LAMA2: variants seen among roughly 807,000 people sequenced by gnomAD.
LAMA2 encodes laminin subunit alpha-2.
LAMA2 carries 269 observed loss-of-function variants against 364.8 expected under a neutral mutation model. The ratio of observed to expected loss-of-function variants is 0.74; its 90% CI spans 0.67 to 0.82. LAMA2 has a LOEUF of 0.82. Ranked by LOEUF, LAMA2 falls within the 40% of genes least tolerant of loss-of-function variation. The pLI, the probability that LAMA2 is intolerant of heterozygous loss-of-function variation, is 0.00. For missense variants in LAMA2, 3,807 were observed against 3,873.2 expected (o/e 0.98, Z 0.45); for synonymous variants, 1,379 against 1,370.6 (o/e 1.01, Z -0.14).
At chr6:129,158,147 C>A in intron 8 of LAMA2, 2 of 1,573,714 alleles carry the variant, frequency 1.3e-6, no homozygotes, top group Non-Finnish European at 8.6e-7. Context: ...TGGTGTCCAG[C>A]GTAGCACATT....
Position 128,970,979 on chromosome 6 carries a change from G to A in LAMA2, c.113-78939G>A, listed in dbSNP as rs551161320. ...CCATAGGGGAAGATAAGAAAAGGGG[G>A]CCAAGATATTCATTTCTACTGCTGG... is the stretch of plus-strand genomic sequence containing the variant. On this transcript the variant is annotated intron_variant, in intron 1 of 64. Coordinates refer to ENST00000421865, the MANE Select transcript of LAMA2 (RefSeq NM_000426.4). 2.6e-5 allele frequency among the ~76,000 whole-genome samples: 4 copies of A among 152,166 alleles called. No homozygotes were observed. The East Asian group carries it at 7.7e-4, about 29-fold the overall frequency.
intron 4 of LAMA2, among the ~76,000 whole-genome samples, chr6:129,125,068 G>C (rs990697948): frequency 6.6e-6 from 1 of 152,196 alleles, no homozygotes; most frequent in East Asian, 1.9e-4. Flanking sequence ...AGTATTTCCT[G>C]ACCAATTGGC....
chr6:129,189,755 A>G (rs546255563), intron 10 of LAMA2, among the ~76,000 whole-genome samples: 32 of 152,326 alleles, frequency 2.1e-4, no homozygotes, highest in African/African-American at 7.7e-4. Flanking sequence ...TGTAATATCA[A>G]TGTTCTATTA....
chr6:129,212,378 T>G (rs1783158032), intron 12 of LAMA2, among the ~76,000 whole-genome samples: 1 of 152,210 alleles, frequency 6.6e-6, no homozygotes, highest in Non-Finnish European at 1.5e-5. Context: ...GGTTCCTCCA[T>G]GCTAGGGGCA....
rs775183456 is a variant in LAMA2, at chr6:129,297,740, C to A, written c.2912C>A (p.Ser971Tyr). The A allele has an allele frequency of 2.5e-6, 4 of 1,614,004 alleles. No homozygotes were observed. In the South Asian group the frequency reaches 3.3e-5, roughly 13 times the overall value. The change falls in exon 21 of 65, where the codon TCT becomes TAT. Residue 971 changes from serine (S) to tyrosine (Y), a missense_variant. Ser to Tyr is a moderately radical substitution (Grantham distance 144). Coordinates refer to ENST00000421865, the MANE Select transcript of LAMA2 (RefSeq NM_000426.4). ...GGCTGTGTTCCCTGCAACTGCAATT[C>A]TTTTGGGTCTAAGTCATTCGACTGT... ...ARGCVPCNCN[S>Y]FGSKSFDCEE...
chr6:129,499,011 G>T (rs975815642), intron 58 of LAMA2, among the ~76,000 whole-genome samples: 2 of 152,076 alleles, frequency 1.3e-5, no homozygotes, highest in Non-Finnish European at 2.9e-5. Context: ...TGGGAGCATG[G>T]CTTCCTCCAT....
intron 40 of LAMA2, among the ~76,000 whole-genome samples, chr6:129,413,678 G>GA (rs1304327826): frequency 6.6e-6 from 1 of 151,908 alleles, no homozygotes; most frequent in Non-Finnish European, 1.5e-5. Context: ...CATGGCTTGA[G>GA]AAAAAAACAC....
intron 52 of LAMA2, among the ~76,000 whole-genome samples, chr6:129,473,945 A>C (rs1314629072): frequency 1.3e-5 from 2 of 152,064 alleles, no homozygotes; most frequent in Admixed American, 6.6e-5. Context: ...GTAACTAAAA[A>C]ATGTCAGAAA....
intron 12 of LAMA2, among the ~76,000 whole-genome samples, chr6:129,219,679 G>A (rs1299700454): frequency 4.4e-4 from 62 of 141,958 alleles, no homozygotes; most frequent in African/African-American, 1.3e-3. Context: ...CCTTTGTAGG[G>A]ACATGGATGA....
chr6:128,988,556 CAA>C (rs1409803315), intron 1 of LAMA2, among the ~76,000 whole-genome samples: 2 of 152,138 alleles, frequency 1.3e-5, no homozygotes, highest in African/African-American at 2.4e-5. Flanking sequence ...GAGAAGGATT[CAA>C]AGAGAGGAAG....
chr6:129,177,899 C>A, intron 10 of LAMA2, 33 bp downstream of exon 10: 1 of 1,600,964 alleles, frequency 6.2e-7, no homozygotes, highest in South Asian at 1.1e-5. Flanking sequence ...GTCCCACTGT[C>A]AAGACAGAAG....
rs543232466 is a variant in LAMA2, at chr6:129,225,533, A to G, written c.1783-24579A>G. Among the ~76,000 whole-genome samples, 10 of 152,200 alleles carry G rather than the reference A, an allele frequency of 6.6e-5. No homozygotes were observed. The East Asian group carries it at 1.2e-3, about 18-fold the overall frequency. On this transcript the variant is annotated intron_variant, in intron 12 of 64. Transcript: ENST00000421865. ...TGTCCCAGAGATTCTGGTATGTTGT[A>G]TCTTTGTTCTCATTAGTTTCAAAGA...
intron 1 of LAMA2, 63 bp downstream of exon 1, chr6:128,883,420 C>G: frequency 6.5e-7 from 1 of 1,544,580 alleles, no homozygotes; most frequent in Middle Eastern, 1.7e-4. Flanking sequence ...TCACTTCTTC[C>G]ACTCTTCCGA....
chr6:128,989,370 T>C (rs1190222146), intron 1 of LAMA2, among the ~76,000 whole-genome samples: 1 of 152,214 alleles, frequency 6.6e-6, no homozygotes, highest in Admixed American at 6.5e-5. Flanking sequence ...TCCTCACATA[T>C]GCTAATGTAT....
chr6:129,300,664 T>C, intron 21 of LAMA2, 72 bp from the exon 22 acceptor site: 2 of 1,492,494 alleles, frequency 1.3e-6, no homozygotes, highest in Non-Finnish European at 1.9e-6. Context: ...CAACACAATA[T>C]AAAACTCAAC....
intron 1 of LAMA2, among the ~76,000 whole-genome samples, chr6:128,981,333 A>G (rs1385614433): frequency 1.3e-5 from 2 of 152,078 alleles, no homozygotes; most frequent in Non-Finnish European, 2.9e-5. Context: ...CACCCAGGAT[A>G]AACGTGAAAC....
At chr6:129,024,792 G>C (rs528605821) in intron 1 of LAMA2, among the ~76,000 whole-genome samples, 1 of 152,042 alleles carries the variant, frequency 6.6e-6, no homozygotes, top group South Asian at 2.1e-4. Context: ...GTCAGTCAGA[G>C]TAAAAAGTGA....
chr6:129,448,965 A>C (rs1782528705), intron 45 of LAMA2, among the ~76,000 whole-genome samples: 1 of 152,170 alleles, frequency 6.6e-6, no homozygotes, highest in Non-Finnish European at 1.5e-5. Flanking sequence ...ATTTTGATTT[A>C]CCTGATTTCT....
intron 1 of LAMA2, among the ~76,000 whole-genome samples, chr6:129,030,069 G>T (rs1786114819): frequency 6.6e-6 from 1 of 151,946 alleles, no homozygotes; most frequent in Admixed American, 6.6e-5. Flanking sequence ...CCTAATCTTT[G>T]CCTAGGAATT....
Sources: gnomAD v4.1 joint callset for allele counts (sites outside exome capture counted in the v4.1 genomes callset) on GRCh38, gnomAD v4.1.1 for gene constraint, MANE v1.5 for transcripts, NCBI Gene and HGNC (gene_info 2026-07-23, HGNC 2026-07-21) for gene names.